The following GSE1 variants were observed in gnomAD, a reference collection of about 807,000 sequenced individuals.
GSE1 encodes the protein Gse1 coiled-coil protein, also known as genetic suppressor element 1.
Under a neutral mutation model 112.6 loss-of-function variants are expected in GSE1, and 32 were observed. That is an observed-to-expected ratio of 0.28 (90% CI 0.21 to 0.38). GSE1 has a LOEUF of 0.38. GSE1 is among the 10% of genes least tolerant of loss of function. The pLI is 1.00. For synonymous variants in GSE1, 1,115 were observed against 735.6 expected, an observed-to-expected ratio of 1.52 and a Z score of -8.35; for missense variants, 2,348 against 1,699.2, an observed-to-expected ratio of 1.38 and a Z score of -6.71.
At chr16:85,667,460 C>T (rs1172041436) in intron 13 of GSE1, among the ~76,000 whole-genome samples, 1 of 152,210 alleles carries the variant, frequency 6.6e-6, no homozygotes, top group East Asian at 1.9e-4. Context: ...GAGGCTGATT[C>T]CTGGGGGAGG....
intron 1 of GSE1, among the ~76,000 whole-genome samples, chr16:85,564,432 G>C (rs895751919): frequency 2.6e-5 from 4 of 152,224 alleles, no homozygotes; most frequent in Non-Finnish European, 5.9e-5. Flanking sequence ...AGGGTGACAA[G>C]TACTGGTGCT....
At chr16:85,443,882 A>G (rs1482089914) in intron 2 of GSE1, among the ~76,000 whole-genome samples, 1 of 150,388 alleles carries the variant, frequency 6.6e-6, no homozygotes, top group Non-Finnish European at 1.5e-5. Flanking sequence ...TCAGTGACCT[A>G]TGGCGACCAG....
intron 2 of GSE1, among the ~76,000 whole-genome samples, chr16:85,413,026 G>C (rs1315496904): frequency 1.3e-5 from 2 of 152,202 alleles, no homozygotes; most frequent in Non-Finnish European, 2.9e-5. Context: ...GGAGGGCCTG[G>C]CTTCTGGAAG....
intron 1 of GSE1, among the ~76,000 whole-genome samples, chr16:85,290,786 C>A (rs2151439361): frequency 6.6e-6 from 1 of 152,146 alleles, no homozygotes; most frequent in Non-Finnish European, 1.5e-5. Flanking sequence ...GTCATGCTGA[C>A]CAGATGGCCG....
At chr16:85,475,692 C>T (rs1269148140) in intron 2 of GSE1, among the ~76,000 whole-genome samples, 1 of 152,112 alleles carries the variant, frequency 6.6e-6, no homozygotes, top group African/African-American at 2.4e-5. Flanking sequence ...GGGGCCCTCT[C>T]CAGAGGGAAC....
intron 2 of GSE1, among the ~76,000 whole-genome samples, chr16:85,536,388 G>A (rs1567568927): frequency 6.6e-6 from 1 of 152,236 alleles, no homozygotes; most frequent in Non-Finnish European, 1.5e-5. Flanking sequence ...AGCTCCAGGA[G>A]GCAGGACGGT....
intron 1 of GSE1, among the ~76,000 whole-genome samples, chr16:85,585,883 C>A (rs1024351298): frequency 2.0e-5 from 3 of 152,164 alleles, no homozygotes; most frequent in Admixed American, 2.0e-4. Context: ...TGCCTAGGGT[C>A]ACTTCCTGCC....
chr16:85,601,720 C>A (rs2151484068), intron 1 of GSE1, among the ~76,000 whole-genome samples: 1 of 152,280 alleles, frequency 6.6e-6, no homozygotes, highest in East Asian at 1.9e-4. Context: ...GACATAAACA[C>A]AACAAGAGCC....
At chr16:85,247,489 G>A (rs1905989127) in intron 1 of GSE1, among the ~76,000 whole-genome samples, 1 of 152,186 alleles carries the variant, frequency 6.6e-6, no homozygotes, top group Non-Finnish European at 1.5e-5. Context: ...AGGAGGACGG[G>A]ATGAGGGCCG....
exon 1 of GSE1, chr16:85,169,838 G>A (rs939043441): frequency 2.8e-5 from 28 of 984,460 alleles, no homozygotes; most frequent in Non-Finnish European, 3.3e-5. Flanking sequence ...GAGCGCGCCC[G>A]CACGCCGGTG....
chr16:85,201,483 C>T (rs867094428), intron 1 of GSE1, among the ~76,000 whole-genome samples: 27 of 151,962 alleles, frequency 1.8e-4, no homozygotes, highest in Admixed American at 3.3e-4. Flanking sequence ...CGTGGTGAAA[C>T]GCCATCTGTA....
At chr16:85,493,088 G>C (rs903861845) in intron 2 of GSE1, among the ~76,000 whole-genome samples, 3 of 152,210 alleles carry the variant, frequency 2.0e-5, no homozygotes, top group Non-Finnish European at 4.4e-5. Context: ...TTGGAGCAGA[G>C]GCCTGGAGGA....
At position 85,495,782 on chromosome 16, in the gene GSE1, G is replaced by A. The variant is rs184063069; in HGVS notation, c.2465-138132G>A. ...CAAAGTGCTGGGATTACAGGCATGAGCCACTACGCCCAGCCATGCTGGGGA... is the reference window on the plus strand; with the variant it reads ...CAAAGTGCTGGGATTACAGGCATGAACCACTACGCCCAGCCATGCTGGGGA... On this transcript the variant is annotated intron_variant, in intron 2 of 2. Coordinates refer to the GSE1 transcript ENST00000637419. Among the ~76,000 whole-genome samples the A allele has an allele frequency of 2.9e-3, 439 of 152,296 alleles. 1 individual carries two copies. The highest frequency in any genetic ancestry group is 0.01 in the African/African-American group (424 of 41,554).
intron 1 of GSE1, among the ~76,000 whole-genome samples, chr16:85,327,517 C>T (rs2046250469): frequency 6.6e-6 from 1 of 152,160 alleles, no homozygotes; most frequent in African/African-American, 2.4e-5. Flanking sequence ...GCAGGAGAAC[C>T]ATTTGAACCC....
intron 1 of GSE1, among the ~76,000 whole-genome samples, chr16:85,292,874 A>C (rs987817410): frequency 6.6e-6 from 1 of 152,254 alleles, no homozygotes; most frequent in Non-Finnish European, 1.5e-5. Flanking sequence ...AACAGGGACA[A>C]TGCTAGACAT....
chr16:85,450,084 T>G (rs1438908726), intron 2 of GSE1, among the ~76,000 whole-genome samples: 1 of 151,524 alleles, frequency 6.6e-6, no homozygotes, highest in Non-Finnish European at 1.5e-5. Flanking sequence ...CCATGGTGGG[T>G]ACTTTGTGGC....
intron 2 of GSE1, among the ~76,000 whole-genome samples, chr16:85,420,510 AG>A (rs2151737049): frequency 6.6e-6 from 1 of 150,598 alleles, no homozygotes; most frequent in Non-Finnish European, 1.5e-5. Context: ...TGGGGCTTCC[AG>A]GGCCAAGGGG....
intron 2 of GSE1, among the ~76,000 whole-genome samples, chr16:85,474,608 C>A (rs962661891): frequency 1.3e-5 from 2 of 151,802 alleles, no homozygotes; most frequent in South Asian, 2.1e-4. Context: ...TCTCCTCCCC[C>A]AGTCCCCCTT....
chr16:85,403,825 G>C (rs1365858333), intron 2 of GSE1, among the ~76,000 whole-genome samples: 2 of 152,046 alleles, frequency 1.3e-5, no homozygotes, highest in East Asian at 3.9e-4. Flanking sequence ...CAAAAACCCA[G>C]AAATGTATTC....
Sources: allele counts gnomAD v4.1 joint callset (sites outside exome capture counted in the v4.1 genomes callset), GRCh38; gene constraint gnomAD v4.1.1; transcripts MANE v1.5; gene names NCBI Gene and HGNC (gene_info 2026-07-23, HGNC 2026-07-21).